ZPBP: variants seen among roughly 807,000 people sequenced by gnomAD.
ZPBP encodes the protein zona pellucida-binding protein 1.
Under a neutral mutation model 44.8 loss-of-function variants are expected in ZPBP, and 26 were observed. The observed-to-expected ratio is 0.58, with a 90% confidence interval of 0.43 to 0.81. The LOEUF (loss-of-function observed/expected upper bound fraction) is 0.81, where lower values mean the gene tolerates loss of function less well. ZPBP is among the 30% of genes least tolerant of loss of function. The pLI is 0.00. For synonymous variants in ZPBP, 174 were observed against 153.2 expected, an observed-to-expected ratio of 1.14 and a Z score of -1.00; for missense variants, 409 against 434.0, an observed-to-expected ratio of 0.94 and a Z score of 0.51.
intron 3 of ZPBP, among the ~76,000 whole-genome samples, chr7:50,066,766 A>G (rs1801524016): frequency 6.6e-6 from 1 of 152,190 alleles, no homozygotes; most frequent in African/African-American, 2.4e-5. Context: ...ATTAGAGCAG[A>G]GCTTGCAGGA....
intron 2 of ZPBP, among the ~76,000 whole-genome samples, chr7:49,855,813 G>A (rs1430225897): frequency 6.6e-6 from 1 of 152,168 alleles, no homozygotes; most frequent in Non-Finnish European, 1.5e-5. Context: ...AGGGGCCGGT[G>A]GCTGACGGTG....
intron 7 of ZPBP, 112 bp downstream of exon 7, chr7:49,983,230 T>C: frequency 1.0e-6 from 1 of 967,926 alleles, no homozygotes; most frequent in Non-Finnish European, 1.6e-6. Context: ...AAATAAACTA[T>C]GAAAAAATAC....
At chr7:50,073,166 T>C (rs1487582068) in intron 3 of ZPBP, among the ~76,000 whole-genome samples, 1 of 151,992 alleles carries the variant, frequency 6.6e-6, no homozygotes, top group South Asian at 2.1e-4. Context: ...TTCAAGATAG[T>C]ACAGAGAAGC....
At chr7:50,050,060 A>G (rs955438410) in intron 4 of ZPBP, among the ~76,000 whole-genome samples, 16 of 152,024 alleles carry the variant, frequency 1.1e-4, no homozygotes, top group Non-Finnish European at 2.1e-4. Context: ...CACACTTAGT[A>G]TACACTTAAC....
At chr7:49,875,395 A>AAAAAAAAAAAAAAC (rs1562746141) in intron 2 of ZPBP, among the ~76,000 whole-genome samples, 4 of 149,594 alleles carry the variant, frequency 2.7e-5, no homozygotes, top group African/African-American at 9.9e-5. Context: ...AAAAAAAAAA[A>AAAAAAAAAAAAAAC]AACAGGAATA....
At chr7:49,892,560 C>T (rs1792189689) in intron 2 of ZPBP, among the ~76,000 whole-genome samples, 2 of 152,194 alleles carry the variant, frequency 1.3e-5, no homozygotes, top group South Asian at 4.2e-4. Context: ...AGGGGGCTTC[C>T]CAGGCCCTGG....
intron 7 of ZPBP, among the ~76,000 whole-genome samples, chr7:49,938,472 CA>C (rs1269717576): frequency 1.3e-5 from 2 of 152,142 alleles, no homozygotes; most frequent in African/African-American, 4.8e-5. Context: ...GTAAAACAGT[CA>C]ACTCTCTTAG....
intron 5 of ZPBP, among the ~76,000 whole-genome samples, chr7:50,020,977 A>C (rs1193026498): frequency 6.6e-6 from 1 of 152,170 alleles, no homozygotes; most frequent in Non-Finnish European, 1.5e-5. Flanking sequence ...AGGACATGAC[A>C]AAAGATGCAG....
intron 1 of ZPBP, among the ~76,000 whole-genome samples, chr7:49,910,336 G>T (rs936570008): frequency 5.3e-5 from 8 of 152,142 alleles, no homozygotes; most frequent in African/African-American, 1.9e-4. Flanking sequence ...TTAAAATTTT[G>T]CAGATGGACC....
At chr7:50,029,488 T>TA (rs1477949439) in intron 5 of ZPBP, among the ~76,000 whole-genome samples, 2 of 152,148 alleles carry the variant, frequency 1.3e-5, no homozygotes, top group Admixed American at 6.5e-5. Context: ...TCATCAAAAT[T>TA]AAAATCAACT....
chr7:49,953,866 T>G (rs1457688828), intron 7 of ZPBP, among the ~76,000 whole-genome samples: 2 of 152,164 alleles, frequency 1.3e-5, no homozygotes, highest in Non-Finnish European at 2.9e-5. Flanking sequence ...TTAATATTGT[T>G]AAGATGTTAA....
chr7:49,855,592 G>A (rs1030383294), intron 2 of ZPBP, among the ~76,000 whole-genome samples: 6 of 152,202 alleles, frequency 3.9e-5, no homozygotes, highest in African/African-American at 9.6e-5. Context: ...GGTAGGTAGC[G>A]TCCCTTTAAG....
At chr7:50,083,772 C>T (rs1438842773) in intron 2 of ZPBP, among the ~76,000 whole-genome samples, 1 of 151,884 alleles carries the variant, frequency 6.6e-6, no homozygotes, top group Admixed American at 6.6e-5. Flanking sequence ...TAAAAGTTAT[C>T]TCAAAATACA....
chr7:50,056,745 C>T (rs116825387), intron 4 of ZPBP, among the ~76,000 whole-genome samples: 2,173 of 152,210 alleles, frequency 0.014, 30 homozygotes, highest in African/African-American at 0.049. Flanking sequence ...TCATGCATTT[C>T]GAGGAAATCA....
In ZPBP at chr7:49,979,846, TAAA is replaced by T. The variant is rs1367042500; in HGVS notation, c.961+3493_961+3495del. Among the ~76,000 whole-genome samples the T allele has an allele frequency of 3.9e-3, 251 of 64,050 alleles. 3 individuals carry two copies. The highest frequency in any genetic ancestry group is 0.014 in the African/African-American group (216 of 15,758). 42.0% of individuals were successfully genotyped at this position (64,050 alleles called of 152,430 possible). On this transcript the variant is annotated intron_variant, in intron 7 of 7. Transcript: ENST00000046087. ...ATACATATATATATATATATATATA[TAAA>T]ATATATATAATATAATATAATATAT...
chr7:49,948,828 A>G (rs528497190), intron 7 of ZPBP, among the ~76,000 whole-genome samples: 1 of 152,324 alleles, frequency 6.6e-6, no homozygotes, highest in African/African-American at 2.4e-5. Context: ...AAGAAATTAA[A>G]ATAGAATTGC....
intron 6 of ZPBP, among the ~76,000 whole-genome samples, chr7:49,994,383 C>T (rs1396778851): frequency 6.6e-6 from 1 of 152,184 alleles, no homozygotes; most frequent in African/African-American, 2.4e-5. Context: ...AGCAGTGCAG[C>T]AGGAATGGGG....
intron 2 of ZPBP, among the ~76,000 whole-genome samples, chr7:49,894,788 A>G (rs1792300862): frequency 6.6e-6 from 1 of 152,224 alleles, no homozygotes; most frequent in Admixed American, 6.5e-5. Context: ...AAGAGGTTCT[A>G]GCCAGATTTG....
intron 1 of ZPBP, among the ~76,000 whole-genome samples, chr7:49,903,666 T>C (rs1792903583): frequency 2.0e-5 from 3 of 152,194 alleles, no homozygotes; most frequent in Admixed American, 6.5e-5. Flanking sequence ...CACAAAGTTG[T>C]ATATGCAATC....
Sources: allele counts gnomAD v4.1 joint callset (sites outside exome capture counted in the v4.1 genomes callset), GRCh38; gene constraint gnomAD v4.1.1; transcripts MANE v1.5; gene names NCBI Gene and HGNC (gene_info 2026-07-23, HGNC 2026-07-21).